TTLL11: variants seen among roughly 807,000 people sequenced by gnomAD.
TTLL11 encodes tubulin tyrosine ligase like 11, also known as tubulin polyglutamylase TTLL11.
In TTLL11, 42 loss-of-function variants were observed where a neutral mutation model predicts 51.7. The ratio of observed to expected loss-of-function variants is 0.81; its 90% CI spans 0.64 to 1.05. The LOEUF (loss-of-function observed/expected upper bound fraction) is 1.05. TTLL11 is among the 50% of genes least tolerant of loss of function. The pLI is 0.00. For missense variants in TTLL11, 799 were observed against 940.4 expected (o/e 0.85, Z 1.97); for synonymous variants, 381 against 383.5 (o/e 0.99, Z 0.08).
intron 8 of TTLL11, among the ~76,000 whole-genome samples, chr9:121,846,095 A>G (rs901958362): frequency 6.6e-6 from 1 of 152,226 alleles, no homozygotes; most frequent in Non-Finnish European, 1.5e-5. Context: ...TTGGAGGAAG[A>G]TATATCATGA....
At chr9:122,071,877 G>A (rs1466954985) in intron 1 of TTLL11, among the ~76,000 whole-genome samples, 1 of 152,216 alleles carries the variant, frequency 6.6e-6, no homozygotes, top group Non-Finnish European at 1.5e-5. Flanking sequence ...CATCACTTCA[G>A]TGCTTACTGG....
At position 121,989,167 on chromosome 9, in the gene TTLL11, A is replaced by G. The variant is rs115223746; in HGVS notation, c.1269+28T>C. The G allele has an allele frequency of 3.1e-4, 493 of 1,609,416 alleles. No individual in the cohort carries two copies. In the African/African-American group the frequency reaches 5.4e-3, roughly 18 times the overall value. On this transcript the variant is annotated intron_variant, in intron 4 of 8. Coordinates refer to ENST00000321582, the MANE Select transcript of TTLL11 (RefSeq NM_001139442.2). This position sits in a 1 kb window ranked among gnomAD's most constrained non-coding sequence, Gnocchi z 4.2. ...CTCTTGAGGCCGGTCAAGGCTGGAAACGCAGGCTGGGAACTGGCAATGGTT... is the reference window on the plus strand; with the variant it reads ...CTCTTGAGGCCGGTCAAGGCTGGAAGCGCAGGCTGGGAACTGGCAATGGTT...
At chr9:122,020,745 G>A (rs1481598786) in intron 3 of TTLL11, among the ~76,000 whole-genome samples, 1 of 152,234 alleles carries the variant, frequency 6.6e-6, no homozygotes, top group East Asian at 1.9e-4. Flanking sequence ...GTCCTTATAA[G>A]AGGAGGAAGG....
intron 6 of TTLL11, among the ~76,000 whole-genome samples, chr9:121,896,935 T>C (rs1216821165): frequency 6.6e-6 from 1 of 152,170 alleles, no homozygotes; most frequent in Non-Finnish European, 1.5e-5. Context: ...GTCTTTTCCT[T>C]ATGACCGCTT....
intron 8 of TTLL11, among the ~76,000 whole-genome samples, chr9:121,849,596 C>G (rs1259323045): frequency 1.3e-5 from 2 of 152,096 alleles, no homozygotes; most frequent in Non-Finnish European, 2.9e-5. Flanking sequence ...AAGAGCTGAA[C>G]AGACATCTCA....
At chr9:121,970,409 G>A (rs193223095) in intron 6 of TTLL11, among the ~76,000 whole-genome samples, 1 of 152,304 alleles carries the variant, frequency 6.6e-6, no homozygotes, top group East Asian at 1.9e-4. Flanking sequence ...TGAAAATACA[G>A]TAGAACGCTT....
intron 6 of TTLL11, among the ~76,000 whole-genome samples, chr9:121,933,763 A>C (rs1841088492): frequency 6.6e-6 from 1 of 152,152 alleles, no homozygotes; most frequent in African/African-American, 2.4e-5. Context: ...ACATAGTTGG[A>C]TTTTCATGTT....
intron 8 of TTLL11, among the ~76,000 whole-genome samples, chr9:121,851,178 G>C (rs1024255479): frequency 2.0e-5 from 3 of 152,186 alleles, no homozygotes; most frequent in East Asian, 1.9e-4. Context: ...CGCTCACGGA[G>C]GGGAGGGCTG....
chr9:122,055,837 C>A (rs920086394), intron 1 of TTLL11, among the ~76,000 whole-genome samples: 4 of 151,856 alleles, frequency 2.6e-5, no homozygotes, highest in Admixed American at 2.0e-4. Context: ...TGACTCTTGA[C>A]GAAAAAAAGG....
intron 4 of TTLL11, among the ~76,000 whole-genome samples, chr9:121,981,135 G>GTTTT (rs34449864): frequency 9.2e-4 from 135 of 146,628 alleles, no homozygotes; most frequent in African/African-American, 3.2e-3. Flanking sequence ...TTCTTCAAAA[G>GTTTT]TTTTTTTTTT....
At chr9:121,841,907 G>A (rs1564268118) in intron 8 of TTLL11, among the ~76,000 whole-genome samples, 1 of 152,000 alleles carries the variant, frequency 6.6e-6, no homozygotes, top group Non-Finnish European at 1.5e-5. Flanking sequence ...GTCCCCAGTT[G>A]AGAACCACTC....
intron 8 of TTLL11, among the ~76,000 whole-genome samples, chr9:121,851,104 C>T (rs1000244235): frequency 2.0e-5 from 3 of 152,064 alleles, no homozygotes; most frequent in Non-Finnish European, 4.4e-5. Flanking sequence ...AGGCTAGATA[C>T]GATATGATTC....
At chr9:121,948,100 T>C (rs547551825) in intron 6 of TTLL11, among the ~76,000 whole-genome samples, 83 of 152,344 alleles carry the variant, frequency 5.4e-4, no homozygotes, top group Non-Finnish European at 8.8e-4. Flanking sequence ...TCCAGGCCCT[T>C]AGCTACATTA....
intron 1 of TTLL11, among the ~76,000 whole-genome samples, chr9:122,082,501 C>CAAAAAAAAAAAAAAAAAA (rs35349693): frequency 1.2e-5 from 1 of 84,654 alleles, no homozygotes; most frequent in Non-Finnish European, 2.5e-5. Context: ...GACTCTGTCT[C>CAAAAAAAAAAAAAAAAAA]AAAAAAAAAA....
chr9:121,905,798 A>C lies in TTLL11; in HGVS notation c.1482-35050T>G, dbSNP rs77035593. On this transcript the variant is annotated intron_variant, in intron 6 of 8. Transcript: ENST00000321582. ...ACTGCTTGGATGAACCTATTTGTGC[A>C]AAAAAATCTTTCTCATAATTTTGGA... Among the ~76,000 whole-genome samples the C allele has an allele frequency of 4.3e-4, 65 of 152,306 alleles. No individual in the cohort carries two copies. The East Asian group carries it at 9.8e-3, about 23-fold the overall frequency.
intron 3 of TTLL11, among the ~76,000 whole-genome samples, chr9:122,016,789 G>T (rs1843997188): frequency 6.6e-6 from 1 of 152,040 alleles, no homozygotes; most frequent in South Asian, 2.1e-4. Flanking sequence ...CTTCTGCTGA[G>T]AAATACAAAC....
At chr9:122,015,876 A>T (rs1843958333) in intron 3 of TTLL11, among the ~76,000 whole-genome samples, 1 of 152,042 alleles carries the variant, frequency 6.6e-6, no homozygotes, top group Non-Finnish European at 1.5e-5. Flanking sequence ...CAATTTGGCA[A>T]ATATATTTGA....
At chr9:121,915,271 T>C (rs146958998) in intron 6 of TTLL11, among the ~76,000 whole-genome samples, 2 of 152,338 alleles carry the variant, frequency 1.3e-5, no homozygotes, top group African/African-American at 4.8e-5. Flanking sequence ...CATGAAATCA[T>C]GCTCACAGGA....
Position 121,870,568 on chromosome 9 carries a change from AT to A in TTLL11, c.1661del (p.Asn554IlefsTer13). The A allele has an allele frequency of 6.4e-7, 1 of 1,551,666 alleles. No individual in the cohort carries two copies. Among genetic ancestry groups the A allele is most frequent in the Non-Finnish European group, 8.7e-7 (1 of 1,146,988 alleles). ...TGATGCCCAGGAACCGGATAAACAA[AT>A]TTGCCATCCTGTCCACCAGGCGCAG... is the stretch of plus-strand genomic sequence containing the variant. ...NYLRLVDRMA[N>X]LFIRFLGIKG... On this transcript the variant is annotated frameshift_variant, in exon 7 of 9. Coordinates refer to ENST00000321582, the MANE Select transcript of TTLL11 (RefSeq NM_001139442.2). LOFTEE classifies it high-confidence loss of function.
Sources: allele counts gnomAD v4.1 joint callset (sites outside exome capture counted in the v4.1 genomes callset), GRCh38; gene constraint gnomAD v4.1.1; non-coding constraint Gnocchi (gnomAD v3.1); transcripts MANE v1.5; gene names NCBI Gene and HGNC (gene_info 2026-07-23, HGNC 2026-07-21).